Variants in RGPD6 observed in about 807,000 individuals in gnomAD.
RGPD6 encodes RANBP2 like and GRIP domain containing 6.
At chr2:110,603,877 G>A in the RGPD6 span, among the ~76,000 whole-genome samples, 1 of 150,152 alleles carries the variant, frequency 6.7e-6, no homozygotes, top group Non-Finnish European at 1.5e-5. Context: ...ATCCCGGGTG[G>A]TAGTTTCCTT....
chr2:110,601,134 C>T, the RGPD6 span, among the ~76,000 whole-genome samples: 10 of 148,252 alleles, frequency 6.7e-5, no homozygotes, highest in South Asian at 2.2e-4. Flanking sequence ...GAGATAAAGT[C>T]CTCGGCCTCC....
At chr2:110,600,684 GATTCTCATA>G in the RGPD6 span, among the ~76,000 whole-genome samples, 9 of 43,506 alleles carry the variant, frequency 2.1e-4, no homozygotes, top group African/African-American at 5.1e-4. Context: ...TCAGGCATTA[GATTCTCATA>G]AGGAGAAACC....
the RGPD6 span, among the ~76,000 whole-genome samples, chr2:110,602,146 C>T: frequency 7.4e-5 from 11 of 148,674 alleles, no homozygotes; most frequent in South Asian, 1.7e-3. Context: ...ACATGGAAAC[C>T]GCAGCTAGGT....
chr2:110,589,457 G>A, the RGPD6 span, among the ~76,000 whole-genome samples: 2 of 152,188 alleles, frequency 1.3e-5, no homozygotes, highest in Non-Finnish European at 2.9e-5. Context: ...TTTATTTTAA[G>A]CTAAGAACAA....
the RGPD6 span, chr2:110,610,766 A>G: frequency 4.4e-6 from 5 of 1,129,264 alleles, no homozygotes; most frequent in East Asian, 2.2e-4. Flanking sequence ...GAAGCTGTCC[A>G]TGGTGGGAGG....
At chr2:110,605,079 C>T in the RGPD6 span, among the ~76,000 whole-genome samples, 1 of 151,528 alleles carries the variant, frequency 6.6e-6, no homozygotes, top group African/African-American at 2.4e-5. Context: ...AGCTGGAGTC[C>T]CCAAGTTCTC....
the RGPD6 span, among the ~76,000 whole-genome samples, chr2:110,594,535 TACAC>T: frequency 9.4e-5 from 2 of 21,330 alleles, no homozygotes; most frequent in Non-Finnish European, 9.7e-5. Flanking sequence ...TCCTAAGAAA[TACAC>T]ACACAACTAT....
At chr2:110,604,580 A>C in the RGPD6 span, among the ~76,000 whole-genome samples, 3 of 151,390 alleles carry the variant, frequency 2.0e-5, no homozygotes, top group Admixed American at 2.0e-4. Flanking sequence ...TTTCACTTTG[A>C]AATAAAACAA....
At chr2:110,605,215 G>A in the RGPD6 span, among the ~76,000 whole-genome samples, 1 of 151,810 alleles carries the variant, frequency 6.6e-6, no homozygotes, top group African/African-American at 2.4e-5. Context: ...GCCTCCTCCA[G>A]GCTGATGAGC....
the RGPD6 span, among the ~76,000 whole-genome samples, chr2:110,607,490 C>T: frequency 6.8e-6 from 1 of 147,924 alleles, no homozygotes; most frequent in South Asian, 2.2e-4. Context: ...TGCAAGAAGG[C>T]AAAGGAGGTA....
chr2:110,601,740 AC>A, the RGPD6 span, among the ~76,000 whole-genome samples: 7 of 128,074 alleles, frequency 5.5e-5, no homozygotes, highest in Non-Finnish European at 1.1e-4. Flanking sequence ...TATCACGGCT[AC>A]CAGGAGTATA....
At chr2:110,606,816 T>G in the RGPD6 span, among the ~76,000 whole-genome samples, 1 of 151,736 alleles carries the variant, frequency 6.6e-6, no homozygotes, top group South Asian at 2.1e-4. Context: ...TTTTTTCGTT[T>G]TTTAACTCAA....
chr2:110,605,689 A>G, the RGPD6 span, among the ~76,000 whole-genome samples: 6 of 151,304 alleles, frequency 4.0e-5, 1 homozygote, highest in African/African-American at 1.5e-4. Flanking sequence ...AGACAAGCAA[A>G]AGCATCAGCG....
the RGPD6 span, chr2:110,610,826 G>T: frequency 3.8e-6 from 4 of 1,051,306 alleles, no homozygotes; most frequent in Non-Finnish European, 4.6e-6. Context: ...CGCCGCCGAA[G>T]CTCGGGCCGC....
chr2:110,610,685 C>A, the RGPD6 span, among the ~76,000 whole-genome samples: 1 of 143,540 alleles, frequency 7.0e-6, no homozygotes, highest in Non-Finnish European at 1.5e-5. Context: ...CCGCTCCCGC[C>A]CGCCCGAAGC....
At chr2:110,606,724 G>A in the RGPD6 span, among the ~76,000 whole-genome samples, 1 of 149,270 alleles carries the variant, frequency 6.7e-6, no homozygotes, top group East Asian at 2.0e-4. Context: ...TGCCCAAGAT[G>A]TCTCCATGTA....
the RGPD6 span, among the ~76,000 whole-genome samples, chr2:110,593,346 T>TGG: frequency 6.8e-6 from 1 of 147,160 alleles, no homozygotes; most frequent in Admixed American, 6.8e-5. Flanking sequence ...AGTACAGGTG[T>TGG]GGGTGTGTGT....
At chr2:110,589,372 A>G in the RGPD6 span, among the ~76,000 whole-genome samples, 4 of 151,882 alleles carry the variant, frequency 2.6e-5, no homozygotes, top group Admixed American at 2.6e-4. Flanking sequence ...AAAATAAAAT[A>G]AAATGAAATA....
the RGPD6 span, among the ~76,000 whole-genome samples, chr2:110,589,387 G>A: frequency 2.0e-5 from 3 of 151,970 alleles, no homozygotes; most frequent in South Asian, 2.1e-4. Flanking sequence ...GAAATAAAAC[G>A]GCTCTTAAAA....
Sources: gnomAD v4.1 joint callset for allele counts (sites outside exome capture counted in the v4.1 genomes callset) on GRCh38, gnomAD v4.1.1 for gene constraint, MANE v1.5 for transcripts, NCBI Gene and HGNC (gene_info 2026-07-23, HGNC 2026-07-21) for gene names.